Variants in MAJIN observed in about 807,000 individuals in gnomAD.
MAJIN encodes membrane-anchored junction protein.
Under a neutral mutation model 30.2 loss-of-function variants are expected in MAJIN, and 27 were observed. The ratio of observed to expected loss-of-function variants is 0.89; its 90% confidence interval spans 0.66 to 1.23. The LOEUF is 1.23. Ranked by LOEUF, MAJIN falls within the 50% of genes most tolerant of loss-of-function variation. The pLI, the probability that MAJIN is intolerant of heterozygous loss-of-function variation, is 0.00. For synonymous variants in MAJIN, 78 were observed against 91.6 expected (o/e 0.85, Z 0.85); for missense variants, 253 against 260.3 (o/e 0.97, Z 0.19).
chr11:64,940,823 C>T (rs1287038515), intron 8 of MAJIN, among the ~76,000 whole-genome samples, 177 bp from the exon 9 acceptor site: 3 of 127,434 alleles, frequency 2.4e-5, no homozygotes, highest in East Asian at 2.5e-4. Flanking sequence ...TTTTTCTTTT[C>T]TTTTTTTCTT....
intron 6 of MAJIN, among the ~76,000 whole-genome samples, chr11:64,948,637 ATATTTTTTTTTTTTTTTTTT>A (rs1945498772): frequency 3.0e-5 from 1 of 33,642 alleles, no homozygotes; most frequent in African/African-American, 2.2e-4. Context: ...ATATATATAT[ATATTTTTTTTTTTTTTTTTT>A]TTTTTTTTTT....
At chr11:64,954,507 G>A in intron 4 of MAJIN, 1 of 585,186 alleles carries the variant, frequency 1.7e-6, no homozygotes, top group Non-Finnish European at 3.1e-6. Flanking sequence ...GCCCAAGGCT[G>A]GAAACTGGTG....
At chr11:64,970,209 C>CA (rs66971421) in intron 1 of MAJIN, among the ~76,000 whole-genome samples, 80,786 of 150,076 alleles carry the variant, frequency 0.54, 23,504 homozygotes, top group Non-Finnish European at 0.67. Flanking sequence ...ACTAAAAATA[C>CA]AAAATTAGCC....
At chr11:64,969,696 C>CTT (rs112203085) in intron 1 of MAJIN, among the ~76,000 whole-genome samples, 12 of 145,316 alleles carry the variant, frequency 8.3e-5, no homozygotes, top group Admixed American at 3.5e-4. Flanking sequence ...AAGACTCTGT[C>CTT]TTTTTTTTTT....
chr11:64,954,884 A>T (rs1306843020), intron 3 of MAJIN, 82 bp from the exon 4 acceptor site: 1 of 1,183,736 alleles, frequency 8.4e-7, no homozygotes, highest in Non-Finnish European at 1.2e-6. Context: ...CAAAAATAAC[A>T]CTTCCACTGA....
chr11:64,968,796 C>T lies in MAJIN; in HGVS notation c.-65+3081G>A, dbSNP rs190812425. Among the ~76,000 whole-genome samples, 25 of 151,198 alleles carry T rather than the reference C, an allele frequency of 1.7e-4. No individual in the cohort carries two copies. The East Asian group carries it at 4.9e-3, about 30-fold the overall frequency. On this transcript the variant is annotated intron_variant, in intron 1 of 10. Coordinates refer to ENST00000301896, the MANE Select transcript of MAJIN (RefSeq NM_001037225.3). ...GCAGTGAGCCGAGATCGCACCACTA[C>T]ACTCCAGCCTGGGCCACAGAGCGAG...
intron 8 of MAJIN, among the ~76,000 whole-genome samples, chr11:64,940,917 C>G (rs1945368203): frequency 7.1e-6 from 1 of 140,924 alleles, no homozygotes; most frequent in South Asian, 2.3e-4. Context: ...CAGCTCACTG[C>G]AAGCTCTGCC....
intron 6 of MAJIN, among the ~76,000 whole-genome samples, chr11:64,949,317 G>A (rs1197034077): frequency 6.6e-6 from 1 of 152,048 alleles, no homozygotes; most frequent in Non-Finnish European, 1.5e-5. Flanking sequence ...GTGACAGAGT[G>A]AGACCCTGTC....
At chr11:64,969,613 C>A (rs2136839109) in intron 1 of MAJIN, among the ~76,000 whole-genome samples, 1 of 152,056 alleles carries the variant, frequency 6.6e-6, no homozygotes, top group Middle Eastern at 3.4e-3. Flanking sequence ...GTAGCCAGGT[C>A]TACAGTGATA....
At chr11:64,940,835 CTTTTTTTTTTTTT>C (rs1168979344) in intron 8 of MAJIN, among the ~76,000 whole-genome samples, 189 bp from the exon 9 acceptor site, 27 of 88,564 alleles carry the variant, frequency 3.0e-4, no homozygotes, top group Non-Finnish European at 4.8e-4. Context: ...TTTTTTCTTT[CTTTTTTTTTTTTT>C]TTTTTTTTGA....
chr11:64,972,067 C>A lies in MAJIN; in HGVS notation c.-255G>T, dbSNP rs1188593506. On this transcript the variant is annotated 5_prime_UTR_variant, in exon 1 of 11. Transcript: ENST00000301896. ...CCAGCTCCTAAGCAACTTCGGGGCT[C>A]GTGCCGCGCACCCACCAGGCCTTCT... is the stretch of plus-strand genomic sequence containing the variant. 2 of 152,218 alleles carry A rather than the reference C, an allele frequency of 1.3e-5. No individual in the cohort carries two copies. The highest frequency in any genetic ancestry group is 2.9e-5 in the Non-Finnish European group (2 of 68,048). 9.4% of individuals were successfully genotyped at this position (152,218 alleles called of 1,614,324 possible).
intron 1 of MAJIN, among the ~76,000 whole-genome samples, chr11:64,960,918 G>A (rs1333306810): frequency 6.6e-6 from 1 of 152,142 alleles, no homozygotes; most frequent in Non-Finnish European, 1.5e-5. Context: ...AGACTATTTA[G>A]ACTAGAATTG....
intron 6 of MAJIN, among the ~76,000 whole-genome samples, chr11:64,948,781 T>C (rs1053545130): frequency 6.9e-6 from 1 of 145,144 alleles, no homozygotes; most frequent in African/African-American, 2.5e-5. Context: ...TTCAGCTTCC[T>C]GAGTAGCTGG....
chr11:64,947,912 T>G, intron 6 of MAJIN, 93 bp from the exon 7 acceptor site: 2 of 1,183,178 alleles, frequency 1.7e-6, no homozygotes, highest in Admixed American at 4.0e-5. Flanking sequence ...CAGACTGGAG[T>G]GCAGTGGTGC....
At chr11:64,948,629 A>T (rs1565127107) in intron 6 of MAJIN, among the ~76,000 whole-genome samples, 1 of 41,746 alleles carries the variant, frequency 2.4e-5, no homozygotes. Context: ...ATATATATAT[A>T]TATATATATA....
intron 4 of MAJIN, among the ~76,000 whole-genome samples, chr11:64,950,830 C>T (rs1945541024): frequency 6.6e-6 from 1 of 152,180 alleles, no homozygotes; most frequent in African/African-American, 2.4e-5. Context: ...GCTCTGCCCT[C>T]CTCGGTCTCC....
At chr11:64,947,753 G>A (rs758889855) in intron 7 of MAJIN, 35 bp downstream of exon 7, 59 of 1,606,190 alleles carry the variant, frequency 3.7e-5, no homozygotes, top group Non-Finnish European at 4.8e-5. Flanking sequence ...GGTGATAAAG[G>A]CAATTTTCAT....
chr11:64,970,945 G>C (rs574556379), intron 1 of MAJIN, among the ~76,000 whole-genome samples: 1 of 152,314 alleles, frequency 6.6e-6, no homozygotes, highest in South Asian at 2.1e-4. Context: ...GCTGGGGTTG[G>C]AGGGTGGGTA....
intron 3 of MAJIN, 112 bp downstream of exon 3, chr11:64,959,193 T>C: frequency 1.4e-6 from 1 of 714,160 alleles, no homozygotes; most frequent in Non-Finnish European, 2.4e-6. Flanking sequence ...TCCTGCAAGA[T>C]GCTACTTTAC....
Sources: gnomAD v4.1 joint callset for allele counts (sites outside exome capture counted in the v4.1 genomes callset) on GRCh38, gnomAD v4.1.1 for gene constraint, MANE v1.5 for transcripts, NCBI Gene and HGNC (gene_info 2026-07-23, HGNC 2026-07-21) for gene names.